The following MAPT variants were observed in gnomAD, a reference collection of about 807,000 sequenced individuals.
MAPT encodes the protein microtubule associated protein tau, also known as microtubule-associated protein tau.
Under a neutral mutation model 67.9 loss-of-function variants are expected in MAPT, and 34 were observed. The ratio of observed to expected loss-of-function variants is 0.50; its 90% confidence interval spans 0.38 to 0.67. The LOEUF (loss-of-function observed/expected upper bound fraction) is 0.67. Among genes scored for constraint, MAPT ranks in the 30% least tolerant of loss-of-function variants. The pLI is 0.00. For missense variants in MAPT, 881 were observed against 1,115.2 expected, an observed-to-expected ratio of 0.79 and a Z score of 2.99; for synonymous variants, 456 against 464.5, an observed-to-expected ratio of 0.98 and a Z score of 0.23.
intron 1 of MAPT, among the ~76,000 whole-genome samples, chr17:45,911,228 A>T (rs746517952): frequency 6.6e-6 from 1 of 152,188 alleles, no homozygotes; most frequent in Non-Finnish European, 1.5e-5. Context: ...TGCTTTATTC[A>T]TCTTTGTGTC....
Position 45,915,570 on chromosome 17 carries a change from G to A in MAPT, c.-18+20884G>A, listed in dbSNP as rs917526564. On this transcript the variant is annotated intron_variant, in intron 1 of 12. Transcript: ENST00000262410. The surrounding 1 kb of genome is among the most constrained non-coding windows in gnomAD (Gnocchi z 4.4). ...TGTGTGTTGTGTGTGTGGTGCATGT[G>A]TGTGGCGTGTGAGCGTGTGTGTGCA... Among the ~76,000 whole-genome samples the A allele has an allele frequency of 3.3e-5, 5 of 151,742 alleles. No homozygotes were observed. The East Asian group carries it at 9.7e-4, about 29-fold the overall frequency.
intron 1 of MAPT, among the ~76,000 whole-genome samples, chr17:45,945,787 G>C (rs995318899): frequency 1.3e-5 from 2 of 148,814 alleles, no homozygotes; most frequent in African/African-American, 5.0e-5. Context: ...TACTCAAACC[G>C]AGGCAACAGA....
chr17:45,989,727 A>G, intron 6 of MAPT, 151 bp from the exon 7 acceptor site: 1 of 703,224 alleles, frequency 1.4e-6, no homozygotes, highest in South Asian at 1.6e-5. Context: ...ATCAGAAGGG[A>G]TATTAAGGGT....
intron 1 of MAPT, among the ~76,000 whole-genome samples, chr17:45,921,171 G>A (rs539026341): frequency 5.3e-5 from 8 of 152,304 alleles, no homozygotes; most frequent in African/African-American, 1.2e-4. Context: ...ACACTTCTAC[G>A]CTTCTCCTTT....
intron 6 of MAPT, among the ~76,000 whole-genome samples, chr17:45,989,317 C>T (rs1312558434): frequency 5.3e-5 from 8 of 152,120 alleles, no homozygotes; most frequent in South Asian, 2.1e-4. Flanking sequence ...GGAGAAAGAA[C>T]GTACTAGAAC....
In MAPT at chr17:46,026,255, G is replaced by A. The variant is rs1282296005; in HGVS notation, c.*2084G>A. The stretch of plus-strand genomic sequence containing the variant: ...TTGAAAGGCTTTCCTCAGCACCTGG[G>A]ACCCAACAGAGACCAGCTTCTAGCA... On this transcript the variant is annotated 3_prime_UTR_variant, in exon 13 of 13. Transcript: ENST00000262410. 2 of 152,676 alleles carry A rather than the reference G, an allele frequency of 1.3e-5. No individual in the cohort carries two copies. The highest frequency in any genetic ancestry group is 4.8e-5 in the African/African-American group (2 of 41,412). The allele number at this position is 152,676 out of a possible 1,614,324, so 9.5% of individuals were successfully genotyped here. A position where few individuals can be genotyped will look rare whatever the true frequency, so the allele number is the denominator to read the frequency against.
intron 4 of MAPT, 89 bp from the exon 5 acceptor site, chr17:45,982,777 A>C (rs2073101809): frequency 3.4e-6 from 2 of 580,918 alleles, no homozygotes; most frequent in African/African-American, 2.0e-5. Flanking sequence ...ATGCCCTCTC[A>C]GTGTCATTTT....
chr17:46,013,725 C>G (rs149908640), intron 10 of MAPT, among the ~76,000 whole-genome samples: 1 of 152,136 alleles, frequency 6.6e-6, no homozygotes, highest in Non-Finnish European at 1.5e-5. Flanking sequence ...ATAAAGCCCA[C>G]GCATCGACCC....
chr17:45,929,341 T>C (rs1947280673), intron 1 of MAPT, among the ~76,000 whole-genome samples: 1 of 152,226 alleles, frequency 6.6e-6, no homozygotes, highest in African/African-American at 2.4e-5. Flanking sequence ...AGGCAGTTAA[T>C]GGTTTCAGGG....
intron 2 of MAPT, among the ~76,000 whole-genome samples, chr17:45,970,119 A>G (rs894744465): frequency 1.4e-5 from 2 of 146,974 alleles, no homozygotes; most frequent in Admixed American, 1.3e-4. Context: ...CATCCATGTA[A>G]CCATCCAGTC....
intron 1 of MAPT, among the ~76,000 whole-genome samples, chr17:45,942,596 G>A (rs1043203695): frequency 2.0e-5 from 3 of 152,200 alleles, no homozygotes; most frequent in Non-Finnish European, 4.4e-5. Context: ...AAATTCAGAC[G>A]GGAGCTGGGG....
chr17:45,952,952 CT>C (rs1211626136), intron 1 of MAPT, among the ~76,000 whole-genome samples: 1 of 152,076 alleles, frequency 6.6e-6, no homozygotes, highest in Non-Finnish European at 1.5e-5. Context: ...CTCTTACTGG[CT>C]GTGTGACCTG....
rs373705830 is a variant in MAPT at position 45,978,416 on chromosome 17, G to A, written c.262G>A (p.Glu88Lys). 13 of 1,607,950 alleles carry A rather than the reference G, an allele frequency of 8.1e-6. No homozygotes were observed. The highest frequency in any genetic ancestry group is 1.7e-4 in the Middle Eastern group (1 of 6,026). Residue 88 changes from glutamate (E) to lysine (K), a missense_variant, in exon 4 of 13, where the codon GAA (glutamate) becomes AAA (lysine). Physicochemically the swap from Glu to Lys is moderately conservative, Grantham distance 56 (BLOSUM62 1). This residue lies in a region of MAPT where 687 missense variants were observed against 766.1 expected (regional missense o/e 0.90). Coordinates refer to ENST00000262410, the MANE Select transcript of MAPT (RefSeq NM_001377265.1). ...TGGAGACACCCCCAGCCTGGAAGAC[G>A]AAGCTGCTGGTCACGTGACCCAAGG... ...GIGDTPSLEDEAAGHVTQEEL... is the reference protein window; with the variant it reads ...GIGDTPSLEDKAAGHVTQEEL...
chr17:45,923,644 C>T (rs1022614744), intron 1 of MAPT, among the ~76,000 whole-genome samples: 2 of 152,244 alleles, frequency 1.3e-5, no homozygotes, highest in African/African-American at 4.8e-5. Context: ...TTGGCCTACC[C>T]ACTTTAGCTT....
At chr17:46,019,306 C>T (rs2076379088) in intron 12 of MAPT, among the ~76,000 whole-genome samples, 1 of 152,190 alleles carries the variant, frequency 6.6e-6, no homozygotes, top group Non-Finnish European at 1.5e-5. Flanking sequence ...TCAGTTACCT[C>T]CCACTGGGTC....
intron 2 of MAPT, among the ~76,000 whole-genome samples, chr17:45,967,122 A>T (rs1022469146): frequency 6.6e-6 from 1 of 152,210 alleles, no homozygotes; most frequent in African/African-American, 2.4e-5. Context: ...AGTGGATGCT[A>T]AGAGTTGAAA....
chr17:45,909,869 CAAAAAAAA>C (rs59131080), intron 1 of MAPT, among the ~76,000 whole-genome samples: 13,051 of 60,334 alleles, frequency 0.22, 770 homozygotes, highest in Middle Eastern at 0.33. Context: ...GACTCTGTCT[CAAAAAAAA>C]AAAAAAAAAA....
chr17:46,006,951 TAATAAAATAAAATAA>T lies in MAPT; in HGVS notation c.1999-3342_1999-3328del, dbSNP rs922575328. Among the ~76,000 whole-genome samples the T allele has an allele frequency of 2.8e-5, 4 of 142,174 alleles. No homozygotes were observed. In the Admixed American group the frequency reaches 2.9e-4, roughly 10 times the overall value. The allele number at this position is 142,174 out of a possible 152,430, so 93.3% of individuals were successfully genotyped here. On this transcript the variant is annotated intron_variant, in intron 9 of 12. Transcript: ENST00000262410. ...AAAATAAAAATAAAATAAAATAAAATAATAAAATAAAATAAAATAAAATAAAATAAATAAAATAAA... is the reference window on the plus strand; with the variant it reads ...AAAATAAAAATAAAATAAAATAAAATAATAAAATAAAATAAATAAAATAAA...
chr17:45,948,251 C>G (rs1164529770), intron 1 of MAPT, among the ~76,000 whole-genome samples: 1 of 152,134 alleles, frequency 6.6e-6, no homozygotes, highest in African/African-American at 2.4e-5. Flanking sequence ...AGTGATCTGC[C>G]CACCTTGGCC....
Sources: gnomAD v4.1 joint callset for allele counts (sites outside exome capture counted in the v4.1 genomes callset) on GRCh38, gnomAD v4.1.1 for gene constraint, gnomAD v4.1.1 regional missense constraint, Gnocchi (gnomAD v3.1) non-coding constraint, MANE v1.5 for transcripts, NCBI Gene and HGNC (gene_info 2026-07-23, HGNC 2026-07-21) for gene names.